The following CALCRL variants were observed in gnomAD, a reference collection of about 807,000 sequenced individuals.
CALCRL encodes calcitonin gene-related peptide type 1 receptor.
A neutral mutation model predicts 60.4 loss-of-function variants in CALCRL; 27 were observed. The observed-to-expected ratio is 0.45, with a 90% CI of 0.33 to 0.62. The LOEUF is 0.62. CALCRL is among the 20% of genes least tolerant of loss of function. The pLI is 0.03. For synonymous variants in CALCRL, 190 were observed against 182.6 expected (o/e 1.04, Z -0.33); for missense variants, 424 against 540.7 (o/e 0.78, Z 2.14).
intron 1 of CALCRL, among the ~76,000 whole-genome samples, chr2:187,417,579 A>G (rs916574391): frequency 6.6e-6 from 1 of 152,100 alleles, no homozygotes; most frequent in African/African-American, 2.4e-5. Context: ...TTGACCTGTA[A>G]TGAACAACTA....
intron 8 of CALCRL, among the ~76,000 whole-genome samples, chr2:187,365,088 G>A (rs934351268): frequency 6.6e-6 from 1 of 152,130 alleles, no homozygotes; most frequent in Admixed American, 6.6e-5. Flanking sequence ...TTGAACAAAG[G>A]AGTGGCATGA....
intron 1 of CALCRL, among the ~76,000 whole-genome samples, chr2:187,433,821 T>G (rs1329584909): frequency 6.6e-6 from 1 of 152,078 alleles, no homozygotes; most frequent in Non-Finnish European, 1.5e-5. Flanking sequence ...AATATACTGG[T>G]TAAATTCAGC....
rs540867659 is a variant in CALCRL, at chr2:187,419,560, G to A, written c.-293+28479C>T. On this transcript the variant is annotated intron_variant, in intron 1 of 14. Transcript: ENST00000392370. ...AAATTAATACAGTTAGCTTGGGCCA[G>A]CTCACAGAACTTAACACCAAAGTGA... 2.8e-4 allele frequency among the ~76,000 whole-genome samples: 43 copies of A among 152,226 alleles called. No individual in the cohort carries two copies. The South Asian group carries it at 8.1e-3, about 29-fold the overall frequency.
intron 1 of CALCRL, among the ~76,000 whole-genome samples, chr2:187,402,577 G>T (rs1411535860): frequency 6.6e-6 from 1 of 151,644 alleles, no homozygotes; most frequent in African/African-American, 2.4e-5. Context: ...CAGATTAATG[G>T]TACTTTCTGT....
At chr2:187,388,988 G>A (rs925741341) in intron 1 of CALCRL, among the ~76,000 whole-genome samples, 2 of 151,488 alleles carry the variant, frequency 1.3e-5, no homozygotes, top group African/African-American at 4.8e-5. Flanking sequence ...AGAGATTTAA[G>A]GATTCTTTCT....
chr2:187,401,720 A>G (rs1252520106), intron 1 of CALCRL, among the ~76,000 whole-genome samples: 6 of 151,658 alleles, frequency 4.0e-5, no homozygotes, highest in Non-Finnish European at 5.9e-5. Context: ...ACAAACAAAA[A>G]TGTAGATATT....
chr2:187,398,629 G>A (rs1353671068), intron 1 of CALCRL, among the ~76,000 whole-genome samples: 1 of 151,546 alleles, frequency 6.6e-6, no homozygotes, highest in Non-Finnish European at 1.5e-5. Flanking sequence ...TTGAAATCTG[G>A]TCAGACTAGC....
intron 1 of CALCRL, among the ~76,000 whole-genome samples, chr2:187,447,758 TTAAGG>T (rs1691259610): frequency 6.6e-6 from 1 of 152,142 alleles, no homozygotes; most frequent in Non-Finnish European, 1.5e-5. Context: ...TGTTCTGTGA[TTAAGG>T]TATTTGTTCA....
In CALCRL at chr2:187,342,891, A is replaced by G. The variant is rs1481162464; in HGVS notation, c.*3293T>C. Among the ~76,000 whole-genome samples the G allele has an allele frequency of 6.6e-6, 1 of 151,568 alleles. No homozygotes were observed. Among genetic ancestry groups the G allele is most frequent in the South Asian group, 2.1e-4 (1 of 4,820 alleles). On this transcript the variant is annotated 3_prime_UTR_variant, in exon 15 of 15. Transcript: ENST00000392370. Reference sequence around the variant, plus strand: ...AATCTTTGAAACATTTTCATTTTATATTTGTGTGAGAGCCATGAATATGCC... The same window carrying G: ...AATCTTTGAAACATTTTCATTTTATGTTTGTGTGAGAGCCATGAATATGCC...
At chr2:187,353,392 C>T (rs577027076) in intron 12 of CALCRL, among the ~76,000 whole-genome samples, 9 of 151,990 alleles carry the variant, frequency 5.9e-5, no homozygotes, top group Middle Eastern at 6.8e-3. Flanking sequence ...TAATTTATAT[C>T]CACACAGTTT....
At chr2:187,389,190 A>G (rs1381001751) in intron 1 of CALCRL, among the ~76,000 whole-genome samples, 1 of 151,326 alleles carries the variant, frequency 6.6e-6, no homozygotes, top group Non-Finnish European at 1.5e-5. Context: ...TGCCTGCCTC[A>G]GTCTCTCGAA....
intron 1 of CALCRL, among the ~76,000 whole-genome samples, chr2:187,406,393 A>G (rs1488739196): frequency 6.6e-6 from 1 of 152,092 alleles, no homozygotes; most frequent in African/African-American, 2.4e-5. Flanking sequence ...GTAAATGTAC[A>G]GAATATTCAA....
In CALCRL at chr2:187,359,193, T is replaced by C. The variant is rs1291230525; in HGVS notation, c.842+19A>G. ...TTTTACATTATTCCAGTAGAAATAA[T>C]AAAAAGAGATTTTCTTACTTGTCAT... On this transcript the variant is annotated intron_variant, in intron 11 of 14. Transcript: ENST00000392370. The C allele has an allele frequency of 3.8e-6, 6 of 1,594,062 alleles. No individual in the cohort carries two copies. Among genetic ancestry groups the C allele is most frequent in the Non-Finnish European group, 5.1e-6 (6 of 1,166,930 alleles).
At chr2:187,445,243 G>A (rs940065418) in intron 1 of CALCRL, among the ~76,000 whole-genome samples, 9 of 151,490 alleles carry the variant, frequency 5.9e-5, no homozygotes, top group Admixed American at 3.3e-4. Flanking sequence ...CAATGATAGC[G>A]CTTGTGTTTA....
chr2:187,349,247 A>G (rs1686418465), intron 14 of CALCRL, among the ~76,000 whole-genome samples: 1 of 151,686 alleles, frequency 6.6e-6, no homozygotes, highest in Non-Finnish European at 1.5e-5. Context: ...ACTAGGGATA[A>G]AATGAAAGTA....
intron 1 of CALCRL, among the ~76,000 whole-genome samples, chr2:187,435,341 C>G (rs756243806): frequency 6.6e-6 from 1 of 152,104 alleles, no homozygotes; most frequent in Non-Finnish European, 1.5e-5. Flanking sequence ...TTCAAACAAC[C>G]AGACTTTGTG....
At chr2:187,427,808 G>A (rs1690211512) in intron 1 of CALCRL, among the ~76,000 whole-genome samples, 1 of 152,092 alleles carries the variant, frequency 6.6e-6, no homozygotes, top group South Asian at 2.1e-4. Flanking sequence ...AGAAAGAATG[G>A]GGTAAAGACA....
At chr2:187,376,639 G>A (rs1687766534) in intron 8 of CALCRL, among the ~76,000 whole-genome samples, 1 of 152,064 alleles carries the variant, frequency 6.6e-6, no homozygotes, top group South Asian at 2.1e-4. Flanking sequence ...TCACATGAAG[G>A]AACATAAATA....
chr2:187,369,922 C>G (rs1383104178), intron 8 of CALCRL, among the ~76,000 whole-genome samples: 1 of 152,158 alleles, frequency 6.6e-6, no homozygotes, highest in Non-Finnish European at 1.5e-5. Flanking sequence ...GGGGCAAGAA[C>G]AGGCCATGTG....
Sources: gnomAD v4.1 joint callset for allele counts (sites outside exome capture counted in the v4.1 genomes callset) on GRCh38, gnomAD v4.1.1 for gene constraint, MANE v1.5 for transcripts, NCBI Gene and HGNC (gene_info 2026-07-23, HGNC 2026-07-21) for gene names.